The following TMEM232 variants were observed in gnomAD, a reference collection of about 807,000 sequenced individuals.
TMEM232 encodes the protein transmembrane protein 232.
TMEM232 carries 80 observed loss-of-function variants against 78.8 expected under a neutral mutation model. That is an observed-to-expected ratio of 1.01 (90% CI 0.85 to 1.22). TMEM232 has a LOEUF of 1.22. TMEM232 is among the 50% of genes most tolerant of loss of function. The pLI is 0.00. For synonymous variants in TMEM232, 297 were observed against 254.3 expected (o/e 1.17, Z -1.60); for missense variants, 881 against 742.2 (o/e 1.19, Z -2.17).
chr5:110,634,524 G>T (rs1464131457), intron 5 of TMEM232, among the ~76,000 whole-genome samples: 1 of 151,756 alleles, frequency 6.6e-6, no homozygotes, highest in Non-Finnish European at 1.5e-5. Context: ...AACACAACTG[G>T]AAATCAATAC....
At chr5:110,485,197 AC>A (rs1764329501) in intron 12 of TMEM232, among the ~76,000 whole-genome samples, 2 of 152,168 alleles carry the variant, frequency 1.3e-5, no homozygotes, top group Admixed American at 1.3e-4. Flanking sequence ...AGATAAAACA[AC>A]CATGCAGCTA....
At chr5:110,707,048 G>T (rs991156633) in intron 1 of TMEM232, among the ~76,000 whole-genome samples, 1 of 152,068 alleles carries the variant, frequency 6.6e-6, no homozygotes, top group Non-Finnish European at 1.5e-5. Context: ...GAAATTTTCA[G>T]AAAAAGGAAT....
At chr5:110,465,337 A>G (rs1348383577) in intron 12 of TMEM232, among the ~76,000 whole-genome samples, 2 of 152,158 alleles carry the variant, frequency 1.3e-5, no homozygotes, top group African/African-American at 2.4e-5. Context: ...AAGCCATTCC[A>G]TCAATGTCAT....
intron 12 of TMEM232, among the ~76,000 whole-genome samples, chr5:110,472,294 C>A (rs1287787066): frequency 1.3e-5 from 2 of 151,764 alleles, no homozygotes; most frequent in African/African-American, 2.4e-5. Flanking sequence ...ACTCCATTCA[C>A]AATAACTACA....
At chr5:110,732,215 A>T (rs1798735587) in intron 2 of TMEM232, among the ~76,000 whole-genome samples, 2 of 152,202 alleles carry the variant, frequency 1.3e-5, no homozygotes, top group Non-Finnish European at 2.9e-5. Flanking sequence ...ATTTTGTCAA[A>T]GCCACTGACA....
chr5:110,572,107 A>G (rs1473890306), intron 10 of TMEM232, among the ~76,000 whole-genome samples: 1 of 152,014 alleles, frequency 6.6e-6, no homozygotes, highest in Non-Finnish European at 1.5e-5. Context: ...GGAGAAGTAC[A>G]TTTTTAAGCT....
intron 12 of TMEM232, among the ~76,000 whole-genome samples, chr5:110,445,871 G>T (rs964096161): frequency 4.6e-5 from 7 of 152,152 alleles, no homozygotes; most frequent in African/African-American, 1.7e-4. Flanking sequence ...GAATGAGAAA[G>T]TTAAAGTCCC....
intron 12 of TMEM232, among the ~76,000 whole-genome samples, chr5:110,479,088 T>C (rs1355312427): frequency 6.6e-6 from 1 of 151,512 alleles, no homozygotes; most frequent in Non-Finnish European, 1.5e-5. Context: ...ATCTAGTCTA[T>C]ATATAGCTTC....
At chr5:110,600,285 G>A (rs775280039) in intron 10 of TMEM232, among the ~76,000 whole-genome samples, 7 of 151,896 alleles carry the variant, frequency 4.6e-5, no homozygotes, top group East Asian at 1.9e-4. Context: ...ATTCAAAAGC[G>A]AGCAGAGGCA....
intron 12 of TMEM232, among the ~76,000 whole-genome samples, chr5:110,472,105 G>T (rs772040828): frequency 1.3e-5 from 2 of 151,874 alleles, no homozygotes; most frequent in African/African-American, 4.8e-5. Context: ...GGAGGAAGTC[G>T]AACTGTCCTG....
intron 12 of TMEM232, among the ~76,000 whole-genome samples, chr5:110,479,314 A>G (rs1242306923): frequency 1.3e-5 from 2 of 151,856 alleles, no homozygotes; most frequent in Non-Finnish European, 2.9e-5. Flanking sequence ...GAATTATAAG[A>G]TAAATATTTA....
intron 12 of TMEM232, among the ~76,000 whole-genome samples, chr5:110,487,733 C>G (rs1185692878): frequency 6.6e-6 from 1 of 151,950 alleles, no homozygotes; most frequent in East Asian, 1.9e-4. Flanking sequence ...ATCTTAGCAT[C>G]TATATTCAAA....
intron 2 of TMEM232, among the ~76,000 whole-genome samples, chr5:110,663,061 G>C (rs1049114705): frequency 5.3e-5 from 8 of 151,988 alleles, no homozygotes; most frequent in African/African-American, 1.7e-4. Flanking sequence ...TGTACATTAA[G>C]ATGTATGCCA....
intron 1 of TMEM232, among the ~76,000 whole-genome samples, chr5:110,711,670 A>C (rs1252546836): frequency 6.6e-6 from 1 of 152,222 alleles, no homozygotes; most frequent in Non-Finnish European, 1.5e-5. Context: ...AGGTGCCAAG[A>C]ATATACACTG....
At chr5:110,523,965 A>AAAG (rs1769960821) in intron 12 of TMEM232, among the ~76,000 whole-genome samples, 2 of 10,522 alleles carry the variant, frequency 1.9e-4, no homozygotes, top group East Asian at 2.8e-3. Flanking sequence ...AAAAAAAAAA[A>AAAG]AGGGGGGGGG....
chr5:110,420,815 T>G (rs1469498789), intron 13 of TMEM232, 59 bp from the exon 14 acceptor site: 1 of 1,468,754 alleles, frequency 6.8e-7, no homozygotes, highest in East Asian at 2.7e-5. Flanking sequence ...CATATCAGTT[T>G]AGCTGCTCAA....
chr5:110,517,308 A>C (rs1195980040), intron 12 of TMEM232, among the ~76,000 whole-genome samples: 1 of 152,206 alleles, frequency 6.6e-6, no homozygotes, highest in African/African-American at 2.4e-5. Context: ...TAGCTATGGA[A>C]CTTTTCTTTA....
chr5:110,415,435 C>T (rs1262114477), downstream of TMEM232, among the ~76,000 whole-genome samples: 2 of 151,814 alleles, frequency 1.3e-5, no homozygotes, highest in Admixed American at 6.6e-5. Context: ...GTTCCACCCA[C>T]GTTGGCCTCC....
intron 1 of TMEM232, among the ~76,000 whole-genome samples, chr5:110,736,038 G>A (rs550565104): frequency 6.6e-6 from 1 of 152,288 alleles, no homozygotes; most frequent in South Asian, 2.1e-4. Context: ...GTTTTAAGCT[G>A]CCCAATTTGT....
Sources: allele counts gnomAD v4.1 joint callset (sites outside exome capture counted in the v4.1 genomes callset), GRCh38; gene constraint gnomAD v4.1.1; transcripts MANE v1.5; gene names NCBI Gene and HGNC (gene_info 2026-07-23, HGNC 2026-07-21).